Variants in ASPRV1 observed in about 807,000 individuals in gnomAD.
The protein encoded by ASPRV1 is retroviral-like aspartic protease 1.
Under a neutral mutation model 11.0 loss-of-function variants are expected in ASPRV1, and 7 were observed. The ratio of observed to expected loss-of-function variants is 0.64; its 90% CI spans 0.36 to 1.20. The LOEUF (loss-of-function observed/expected upper bound fraction) is 1.20. Among genes scored for constraint, ASPRV1 ranks in the 50% most tolerant of loss-of-function variants. The pLI, the probability that ASPRV1 is intolerant of heterozygous loss-of-function variation, is 0.02. For missense variants in ASPRV1, 299 were observed against 320.0 expected (o/e 0.93, Z 0.50); for synonymous variants, 136 against 138.4 (o/e 0.98, Z 0.12).
chr2:70,049,518 T>A, the ASPRV1 span: 1 of 152,104 alleles, frequency 6.6e-6, no homozygotes, highest in East Asian at 1.9e-4. Flanking sequence ...CTAGAGCACA[T>A]GTTTATTACC....
At chr2:69,935,502 T>C in the ASPRV1 span, 5 of 1,405,114 alleles carry the variant, frequency 3.6e-6, no homozygotes, top group Non-Finnish European at 5.0e-6. Context: ...TATCTTTACC[T>C]GTTCAGTGAG....
the ASPRV1 span, among the ~76,000 whole-genome samples, chr2:70,078,438 G>C: frequency 6.6e-6 from 1 of 152,184 alleles, no homozygotes; most frequent in Non-Finnish European, 1.5e-5. Flanking sequence ...GGGAAGGGGA[G>C]CAGAGAAAGC....
the ASPRV1 span, among the ~76,000 whole-genome samples, chr2:69,983,434 G>C: frequency 1.3e-5 from 2 of 152,224 alleles, no homozygotes; most frequent in Non-Finnish European, 2.9e-5. Flanking sequence ...ATTCTGTGAA[G>C]AGCAGGTGAG....
chr2:70,056,818 T>C, the ASPRV1 span, among the ~76,000 whole-genome samples: 2 of 151,682 alleles, frequency 1.3e-5, no homozygotes, highest in African/African-American at 4.8e-5. Context: ...CACTGCAACC[T>C]TCACCTCCTG....
At chr2:70,074,158 A>AC in the ASPRV1 span, among the ~76,000 whole-genome samples, 3 of 150,436 alleles carry the variant, frequency 2.0e-5, 1 homozygote, top group African/African-American at 7.3e-5. Context: ...AAAAAAAAAA[A>AC]AACAGAAATC....
chr2:69,954,017 C>T, the ASPRV1 span, among the ~76,000 whole-genome samples: 2 of 152,178 alleles, frequency 1.3e-5, no homozygotes, highest in African/African-American at 2.4e-5. Flanking sequence ...CATGCCTGGC[C>T]AATTCACTTT....
chr2:70,006,127 A>G, the ASPRV1 span, among the ~76,000 whole-genome samples: 5 of 152,320 alleles, frequency 3.3e-5, no homozygotes, highest in East Asian at 9.6e-4. Flanking sequence ...CCATGTGCGC[A>G]CACACACATA....
At chr2:70,037,826 TAC>T in the ASPRV1 span, among the ~76,000 whole-genome samples, 1 of 152,246 alleles carries the variant, frequency 6.6e-6, no homozygotes, top group African/African-American at 2.4e-5. Flanking sequence ...GTACATTTAT[TAC>T]TTTAGTTTTT....
chr2:69,962,696 CCATT>C (rs1678168121), upstream of ASPRV1: 1 of 158,692 alleles, frequency 6.3e-6, no homozygotes, highest in African/African-American at 2.4e-5. Context: ...TTTTATGTCC[CCATT>C]CAAAGGTCAC....
chr2:70,021,286 T>C, the ASPRV1 span, among the ~76,000 whole-genome samples: 1 of 152,064 alleles, frequency 6.6e-6, no homozygotes, highest in East Asian at 1.9e-4. Context: ...ACCATTTTCC[T>C]CATCCATTGT....
chr2:70,071,343 G>A, the ASPRV1 span, among the ~76,000 whole-genome samples: 3 of 152,206 alleles, frequency 2.0e-5, no homozygotes, highest in South Asian at 2.1e-4. Context: ...TAGGTATTAG[G>A]ATAAACTGCA....
chr2:69,998,137 AG>A, the ASPRV1 span: 1 of 135,768 alleles, frequency 7.4e-6, no homozygotes, highest in African/African-American at 3.3e-5. Context: ...TGATAGTTCT[AG>A]AAAAAAAAAA....
chr2:70,017,718 T>C, the ASPRV1 span, among the ~76,000 whole-genome samples: 11 of 152,206 alleles, frequency 7.2e-5, no homozygotes, highest in Non-Finnish European at 1.3e-4. Flanking sequence ...CATTTGCTTG[T>C]CTGTTAGTAT....
At chr2:69,959,980 T>C (rs955588149), downstream of ASPRV1, 6 of 152,242 alleles carry the variant, frequency 3.9e-5, no homozygotes, top group African/African-American at 1.4e-4. Context: ...TCCCTGTGTA[T>C]ATGTTCTTAT....
At position 69,960,460 on chromosome 2, in the gene ASPRV1, C is replaced by T. The variant is rs34123968; in HGVS notation, c.*197G>A. On this transcript the variant is annotated 3_prime_UTR_variant, in exon 1 of 1. Coordinates refer to ENST00000320256, the MANE Select transcript of ASPRV1 (RefSeq NM_152792.4). ...CCCTCTAAGCCAGCCTGCTCTCCCT[C>T]ACCTGTGCCTGTTCAGTGGAAGCCT... is the stretch of plus-strand genomic sequence containing the variant. The T allele has an allele frequency of 7.0e-4, 419 of 600,808 alleles. 1 individual carries two copies. Among genetic ancestry groups the T allele is most frequent in the Non-Finnish European group, 1.0e-3 (358 of 345,256 alleles). 37.2% of individuals were successfully genotyped at this position (600,808 alleles called of 1,614,324 possible).
At chr2:70,000,880 C>G in the ASPRV1 span, among the ~76,000 whole-genome samples, 1 of 148,680 alleles carries the variant, frequency 6.7e-6, no homozygotes, top group Non-Finnish European at 1.5e-5. Context: ...GAAAGAATTA[C>G]CAACGGCTGG....
the ASPRV1 span, among the ~76,000 whole-genome samples, chr2:70,044,740 T>C: frequency 6.6e-6 from 1 of 152,192 alleles, no homozygotes; most frequent in Non-Finnish European, 1.5e-5. Context: ...ATTCCGGGCG[T>C]GAGCCACCAC....
chr2:70,063,555 T>C, the ASPRV1 span, among the ~76,000 whole-genome samples: 1 of 152,210 alleles, frequency 6.6e-6, no homozygotes, highest in Non-Finnish European at 1.5e-5. Flanking sequence ...GCTCCAGGAC[T>C]ACTGCAGGCT....
the ASPRV1 span, among the ~76,000 whole-genome samples, chr2:69,987,282 T>C: frequency 6.6e-6 from 1 of 152,072 alleles, no homozygotes; most frequent in East Asian, 1.9e-4. Flanking sequence ...TACATCCTTC[T>C]GGGCATCTCC....
Sources: allele counts gnomAD v4.1 joint callset (sites outside exome capture counted in the v4.1 genomes callset), GRCh38; gene constraint gnomAD v4.1.1; transcripts MANE v1.5; gene names NCBI Gene and HGNC (gene_info 2026-07-23, HGNC 2026-07-21).